Variants in PDE10A observed in about 807,000 individuals in gnomAD.
The protein encoded by PDE10A is cAMP and cAMP-inhibited cGMP 3',5'-cyclic phosphodiesterase 10A.
Under a neutral mutation model 97.7 loss-of-function variants are expected in PDE10A, and 39 were observed. The observed-to-expected ratio is 0.40, with a 90% confidence interval of 0.31 to 0.52. The LOEUF (loss-of-function observed/expected upper bound fraction) is 0.52. PDE10A is among the 20% of genes least tolerant of loss of function. The pLI, the probability that PDE10A is intolerant of heterozygous loss-of-function variation, is 0.56. For missense variants in PDE10A, 731 were observed against 1,047.8 expected, an observed-to-expected ratio of 0.70 and a Z score of 4.17; for synonymous variants, 371 against 376.8, an observed-to-expected ratio of 0.98 and a Z score of 0.18.
chr6:165,708,339 C>T (rs1372145613), intron 1 of PDE10A, among the ~76,000 whole-genome samples: 1 of 152,098 alleles, frequency 6.6e-6, no homozygotes, highest in African/African-American at 2.4e-5. Context: ...CCTCACTGTG[C>T]CCTGTTTGCT....
intron 1 of PDE10A, among the ~76,000 whole-genome samples, chr6:165,555,935 G>A (rs756470676): frequency 6.6e-6 from 1 of 152,090 alleles, no homozygotes; most frequent in African/African-American, 2.4e-5. Flanking sequence ...CCTATGTGAC[G>A]ATTTTTTCAA....
intron 3 of PDE10A, among the ~76,000 whole-genome samples, chr6:165,472,004 GTTA>G (rs891737466): frequency 5.3e-5 from 8 of 151,918 alleles, no homozygotes; most frequent in Non-Finnish European, 8.8e-5. Context: ...TTTGAGATGA[GTTA>G]TTTTCCTAGC....
intron 1 of PDE10A, among the ~76,000 whole-genome samples, chr6:165,937,127 G>A (rs1783357194): frequency 6.6e-6 from 1 of 152,208 alleles, no homozygotes; most frequent in African/African-American, 2.4e-5. Context: ...TAGCATCCCA[G>A]AGGTCTTAGA....
At chr6:165,474,542 T>C (rs558165729) in intron 3 of PDE10A, among the ~76,000 whole-genome samples, 1 of 152,326 alleles carries the variant, frequency 6.6e-6, no homozygotes, top group South Asian at 2.1e-4. Flanking sequence ...CATCGAGTAT[T>C]ATGCTTATTA....
chr6:165,458,624 A>G (rs756101678), intron 3 of PDE10A, among the ~76,000 whole-genome samples: 8 of 152,048 alleles, frequency 5.3e-5, no homozygotes, highest in Non-Finnish European at 7.4e-5. Context: ...TTCTATCAGT[A>G]AATTGTATCT....
intron 1 of PDE10A, among the ~76,000 whole-genome samples, chr6:165,813,111 A>C (rs1779322962): frequency 6.6e-6 from 1 of 152,120 alleles, no homozygotes; most frequent in South Asian, 2.1e-4. Flanking sequence ...TGCTATTCTC[A>C]TGTCTGAAGG....
intron 1 of PDE10A, among the ~76,000 whole-genome samples, chr6:165,861,768 G>C (rs953279006): frequency 6.6e-6 from 1 of 152,136 alleles, no homozygotes; most frequent in Admixed American, 6.5e-5. Context: ...GATAGAGTTT[G>C]ATGGCAGAGG....
chr6:165,839,865 ATTCCCATCTGCACCTCTG>A (rs1336112567), intron 1 of PDE10A, among the ~76,000 whole-genome samples: 10 of 34,946 alleles, frequency 2.9e-4, no homozygotes, highest in African/African-American at 3.4e-4. Flanking sequence ...CCCTGTCTCC[ATTCCCATCTGCACCTCTG>A]TCTCCATCCC....
intron 1 of PDE10A, among the ~76,000 whole-genome samples, chr6:165,680,836 G>GT (rs925191960): frequency 1.3e-5 from 2 of 152,104 alleles, no homozygotes; most frequent in African/African-American, 4.8e-5. Context: ...GGGAGCCGAG[G>GT]TTGTGCCATT....
At chr6:165,598,966 C>A (rs138333433) in intron 1 of PDE10A, among the ~76,000 whole-genome samples, 8 of 152,248 alleles carry the variant, frequency 5.3e-5, no homozygotes, top group Admixed American at 2.0e-4. Flanking sequence ...TTCTACCCTA[C>A]GCAGACTGCC....
At chr6:165,866,130 T>C (rs1336477222) in intron 1 of PDE10A, among the ~76,000 whole-genome samples, 4 of 151,950 alleles carry the variant, frequency 2.6e-5, no homozygotes, top group Admixed American at 6.6e-5. Flanking sequence ...TTAAGAGATA[T>C]AGACTGGCTA....
chr6:165,978,744 A>T (rs1325103760), intron 1 of PDE10A, among the ~76,000 whole-genome samples: 1 of 152,200 alleles, frequency 6.6e-6, no homozygotes, highest in Non-Finnish European at 1.5e-5. Flanking sequence ...ACATTTGAAT[A>T]TGTGCTCCCA....
chr6:165,522,332 G>A (rs1182485174), intron 2 of PDE10A, among the ~76,000 whole-genome samples: 1 of 152,030 alleles, frequency 6.6e-6, no homozygotes, highest in Admixed American at 6.6e-5. Flanking sequence ...GCAAAATCTG[G>A]CAAAGACACA....
At chr6:165,965,992 A>G (rs697469) in intron 1 of PDE10A, among the ~76,000 whole-genome samples, 116,009 of 152,212 alleles carry the variant, frequency 0.76, 44,457 homozygotes, top group East Asian at 0.97. Context: ...TATTTAATAC[A>G]TAGATTTAGG....
At chr6:165,513,289 C>A (rs1473582726) in intron 2 of PDE10A, among the ~76,000 whole-genome samples, 1 of 152,006 alleles carries the variant, frequency 6.6e-6, no homozygotes, top group Non-Finnish European at 1.5e-5. Flanking sequence ...TTGTCCCCTA[C>A]CAACTATCCT....
rs1562352467 is a variant in PDE10A at position 165,331,226 on chromosome 6, ATG to A, written c.*1797_*1798del. 1 of 152,124 alleles carries A rather than the reference ATG, an allele frequency of 6.6e-6. No homozygotes were observed. The highest frequency in any genetic ancestry group is 2.4e-5 in the African/African-American group (1 of 41,430). 9.4% of individuals were successfully genotyped at this position (152,124 alleles called of 1,614,324 possible). On this transcript the variant is annotated 3_prime_UTR_variant, in exon 22 of 22. Coordinates refer to ENST00000539869, the MANE Select transcript of PDE10A (RefSeq NM_001385079.1). Reference sequence around the variant, plus strand: ...ATATATTACATCCATCCATATATATATGTGTGTGTATATATCTAGCCACAGTG... The same window carrying A: ...ATATATTACATCCATCCATATATATATGTGTGTATATATCTAGCCACAGTG...
At chr6:165,865,861 T>A (rs962473248) in intron 1 of PDE10A, among the ~76,000 whole-genome samples, 1 of 152,124 alleles carries the variant, frequency 6.6e-6, no homozygotes, top group Non-Finnish European at 1.5e-5. Flanking sequence ...GAAACCCTAT[T>A]TAATGAAATA....
intron 1 of PDE10A, among the ~76,000 whole-genome samples, chr6:165,751,361 G>A (rs554546799): frequency 1.2e-4 from 19 of 152,312 alleles, no homozygotes; most frequent in South Asian, 4.1e-4. Flanking sequence ...CCAGGAGAGC[G>A]TATCTGTGTG....
At chr6:165,660,051 C>T (rs1202569911) in intron 1 of PDE10A, 1 of 152,272 alleles carries the variant, frequency 6.6e-6, no homozygotes, top group African/African-American at 2.4e-5. Flanking sequence ...AACCCCTTCC[C>T]CAAATCAAAG....
Sources: allele counts gnomAD v4.1 joint callset (sites outside exome capture counted in the v4.1 genomes callset), GRCh38; gene constraint gnomAD v4.1.1; transcripts MANE v1.5; gene names NCBI Gene and HGNC (gene_info 2026-07-23, HGNC 2026-07-21).